Variants in CDH12 observed in about 807,000 individuals in gnomAD.
CDH12 encodes cadherin 12, also known as cadherin-12.
In CDH12, 41 loss-of-function variants were observed where a neutral mutation model predicts 74.1. That is an observed-to-expected ratio of 0.55 (90% CI 0.43 to 0.72). The LOEUF (loss-of-function observed/expected upper bound fraction) is 0.72. Among genes scored for constraint, CDH12 ranks in the 30% least tolerant of loss-of-function variants. CDH12 has a pLI of 0.00. For synonymous variants in CDH12, 399 were observed against 355.0 expected, an observed-to-expected ratio of 1.12 and a Z score of -1.39; for missense variants, 945 against 977.2, an observed-to-expected ratio of 0.97 and a Z score of 0.44.
At chr5:22,512,141 T>C (rs1402133331) in intron 1 of CDH12, among the ~76,000 whole-genome samples, 1 of 152,076 alleles carries the variant, frequency 6.6e-6, no homozygotes, top group African/African-American at 2.4e-5. Flanking sequence ...TACATAAGTA[T>C]TAGAAAATAC....
chr5:22,127,788 C>A (rs1458991138), intron 4 of CDH12, among the ~76,000 whole-genome samples: 1 of 152,144 alleles, frequency 6.6e-6, no homozygotes, highest in Non-Finnish European at 1.5e-5. Flanking sequence ...ATCATCATCC[C>A]ATAGCCTAAG....
chr5:22,598,845 C>T (rs1196685681), intron 1 of CDH12, among the ~76,000 whole-genome samples: 1 of 152,106 alleles, frequency 6.6e-6, no homozygotes, highest in African/African-American at 2.4e-5. Flanking sequence ...CCTACCATCC[C>T]CCTCCTTGTA....
chr5:22,009,888 G>T (rs1452603323), intron 5 of CDH12, among the ~76,000 whole-genome samples: 1 of 124,854 alleles, frequency 8.0e-6, no homozygotes, highest in East Asian at 2.6e-4. Flanking sequence ...TGAGGCAGGA[G>T]AATTGCTTGA....
At chr5:22,488,285 T>C (rs1373108538) in intron 2 of CDH12, among the ~76,000 whole-genome samples, 1 of 152,216 alleles carries the variant, frequency 6.6e-6, no homozygotes, top group Non-Finnish European at 1.5e-5. Flanking sequence ...GATGGCCATT[T>C]ATGGAGAAAA....
intron 1 of CDH12, among the ~76,000 whole-genome samples, chr5:22,518,506 C>T (rs1736900084): frequency 6.6e-6 from 1 of 152,150 alleles, no homozygotes; most frequent in South Asian, 2.1e-4. Flanking sequence ...ACCACAAATG[C>T]AATTATTTAC....
At chr5:22,028,909 C>T (rs974503813) in intron 5 of CDH12, among the ~76,000 whole-genome samples, 1 of 152,124 alleles carries the variant, frequency 6.6e-6, no homozygotes, top group Non-Finnish European at 1.5e-5. Context: ...GGTACCAAAA[C>T]AGAGATATAG....
At chr5:21,873,767 TTTCCAGATGCTC>T (rs1751773606) in intron 6 of CDH12, among the ~76,000 whole-genome samples, 2 of 152,150 alleles carry the variant, frequency 1.3e-5, no homozygotes, top group African/African-American at 4.8e-5. Context: ...ATTAGCTATT[TTTCCAGATGCTC>T]TCCCTCCCCC....
intron 3 of CDH12, among the ~76,000 whole-genome samples, chr5:22,344,243 G>A (rs1740011743): frequency 6.6e-6 from 1 of 152,042 alleles, no homozygotes; most frequent in Admixed American, 6.6e-5. Flanking sequence ...AATTATTCTT[G>A]TGAGCCTTAA....
At chr5:22,350,691 T>C (rs192521747) in intron 3 of CDH12, among the ~76,000 whole-genome samples, 80 of 152,334 alleles carry the variant, frequency 5.3e-4, no homozygotes, top group Non-Finnish European at 1.0e-3. Context: ...GATACAATTA[T>C]AGATAACATT....
intron 1 of CDH12, among the ~76,000 whole-genome samples, chr5:22,703,349 T>C (rs1263820588): frequency 6.6e-6 from 1 of 152,116 alleles, no homozygotes; most frequent in Admixed American, 6.5e-5. Context: ...TAGCCTTACT[T>C]GAATTTTCTT....
intron 6 of CDH12, among the ~76,000 whole-genome samples, chr5:21,970,738 G>C (rs553595668): frequency 6.8e-6 from 1 of 146,788 alleles, no homozygotes; most frequent in East Asian, 2.1e-4. Flanking sequence ...TACTCGAGAA[G>C]CTGAGGCAGG....
chr5:22,778,454 G>C (rs1389617036), intron 1 of CDH12, among the ~76,000 whole-genome samples: 1 of 152,140 alleles, frequency 6.6e-6, no homozygotes, highest in Non-Finnish European at 1.5e-5. Flanking sequence ...CACTGTTTGA[G>C]TCATTCTAGT....
At chr5:22,580,705 T>C (rs565378300) in intron 1 of CDH12, 5 of 359,342 alleles carry the variant, frequency 1.4e-5, no homozygotes, top group South Asian at 1.4e-4. Flanking sequence ...ATTCCCTGTG[T>C]TTGTCAGCTT....
chr5:22,654,727 C>T (rs191387790), intron 1 of CDH12, among the ~76,000 whole-genome samples: 13 of 151,910 alleles, frequency 8.6e-5, no homozygotes, highest in South Asian at 2.1e-4. Context: ...CCCCTGCGTC[C>T]GGGTTCAAGC....
At chr5:22,109,061 G>A (rs1744668685) in intron 4 of CDH12, among the ~76,000 whole-genome samples, 1 of 152,120 alleles carries the variant, frequency 6.6e-6, no homozygotes, top group Non-Finnish European at 1.5e-5. Context: ...ATTAAAGGGT[G>A]TGAAAAAATA....
At chr5:22,225,037 T>C (rs1217383292) in intron 3 of CDH12, among the ~76,000 whole-genome samples, 5 of 152,042 alleles carry the variant, frequency 3.3e-5, no homozygotes, top group African/African-American at 9.7e-5. Context: ...TTTTTCTCCA[T>C]AGCTAAAATT....
chr5:21,942,486 G>A (rs964641623), intron 6 of CDH12, among the ~76,000 whole-genome samples: 7 of 150,690 alleles, frequency 4.6e-5, no homozygotes, highest in Non-Finnish European at 1.0e-4. Context: ...TATATAACTA[G>A]TTACATAACA....
chr5:22,500,954 T>C (rs957365669), intron 2 of CDH12, among the ~76,000 whole-genome samples: 3 of 152,226 alleles, frequency 2.0e-5, no homozygotes, highest in Non-Finnish European at 4.4e-5. Context: ...AAAACATGTA[T>C]GTATTTCCTT....
At chr5:22,564,445 C>T (rs1739200408) in intron 1 of CDH12, among the ~76,000 whole-genome samples, 1 of 152,082 alleles carries the variant, frequency 6.6e-6, no homozygotes, top group African/African-American at 2.4e-5. Flanking sequence ...TTCACTTTAC[C>T]ACCACATTTT....
Sources: gnomAD v4.1 joint callset for allele counts (sites outside exome capture counted in the v4.1 genomes callset) on GRCh38, gnomAD v4.1.1 for gene constraint, MANE v1.5 for transcripts, NCBI Gene and HGNC (gene_info 2026-07-23, HGNC 2026-07-21) for gene names.